Variants in C1QTNF3 observed in about 807,000 individuals in gnomAD.
C1QTNF3 encodes C1q and TNF related 3.
C1QTNF3 carries 26 observed loss-of-function variants against 32.6 expected under a neutral mutation model. The observed-to-expected ratio is 0.80, with a 90% CI of 0.58 to 1.11. The LOEUF (loss-of-function observed/expected upper bound fraction) is 1.11, where lower values mean the gene tolerates loss of function less well. Among genes scored for constraint, C1QTNF3 ranks in the 50% least tolerant of loss-of-function variants. The probability of loss-of-function intolerance (pLI) is 0.00; values close to 1 mark genes in which losing one functional copy is unlikely to be tolerated. For missense variants in C1QTNF3, 362 were observed against 398.2 expected, an observed-to-expected ratio of 0.91 and a Z score of 0.77; for synonymous variants, 155 against 146.0, an observed-to-expected ratio of 1.06 and a Z score of -0.44.
chr5:34,227,773 C>G, the C1QTNF3 span, among the ~76,000 whole-genome samples: 1 of 151,772 alleles, frequency 6.6e-6, no homozygotes, highest in African/African-American at 2.4e-5. Context: ...TAACCAATAG[C>G]TGGGGGAAAA....
chr5:34,076,266 G>T, the C1QTNF3 span, among the ~76,000 whole-genome samples: 2 of 151,460 alleles, frequency 1.3e-5, no homozygotes, highest in African/African-American at 4.9e-5. Flanking sequence ...TGATGAAATG[G>T]TAAGTTTTAT....
the C1QTNF3 span, among the ~76,000 whole-genome samples, chr5:34,213,740 A>AGT: frequency 7.3e-6 from 1 of 136,774 alleles, no homozygotes; most frequent in Admixed American, 7.6e-5. Flanking sequence ...ACGTATATAT[A>AGT]GTGTGTGTAT....
chr5:34,094,606 T>G, the C1QTNF3 span, among the ~76,000 whole-genome samples: 2 of 151,742 alleles, frequency 1.3e-5, no homozygotes, highest in East Asian at 3.9e-4. Context: ...ACAGGCTACA[T>G]AGACCGTGTA....
the C1QTNF3 span, among the ~76,000 whole-genome samples, chr5:34,153,946 T>C: frequency 3.3e-5 from 5 of 151,696 alleles, no homozygotes; most frequent in African/African-American, 1.2e-4. Context: ...GTTGTTATCA[T>C]TTCACATAAT....
chr5:34,055,948 T>C, the C1QTNF3 span, among the ~76,000 whole-genome samples: 1 of 152,222 alleles, frequency 6.6e-6, no homozygotes, highest in African/African-American at 2.4e-5. Context: ...CGTCAAAATC[T>C]GGACCCTCTC....
intron 1 of C1QTNF3, among the ~76,000 whole-genome samples, chr5:34,041,124 T>C (rs969933677): frequency 6.6e-6 from 1 of 152,034 alleles, no homozygotes; most frequent in East Asian, 1.9e-4. Flanking sequence ...AAGAGGAAAA[T>C]TGAATTACGA....
the C1QTNF3 span, among the ~76,000 whole-genome samples, chr5:34,076,642 A>G: frequency 2.0e-5 from 3 of 151,670 alleles, no homozygotes; most frequent in Non-Finnish European, 4.4e-5. Context: ...AAGGACATGT[A>G]TGTTCAGAAA....
Position 34,019,512 on chromosome 5 carries a change from C to T in C1QTNF3, c.*1071G>A, listed in dbSNP as rs1754274652. ...AAACATCAATGTCTTAAAGGGTTGA[C>T]ATTATAACAATGGAATAACTGAAAA... is the stretch of plus-strand genomic sequence containing the variant. On this transcript the variant is annotated 3_prime_UTR_variant, in exon 6 of 6. Transcript: ENST00000382065. 2.0e-5 allele frequency: 3 copies of T among 152,192 alleles called. No homozygotes were observed. Among genetic ancestry groups the T allele is most frequent in the Admixed American group, 2.0e-4 (3 of 15,278 alleles). 9.4% of individuals were successfully genotyped at this position (152,192 alleles called of 1,614,324 possible).
chr5:34,130,150 C>CACAT, the C1QTNF3 span, among the ~76,000 whole-genome samples: 5 of 150,564 alleles, frequency 3.3e-5, no homozygotes, highest in African/African-American at 1.2e-4. Flanking sequence ...CACACACACA[C>CACAT]ATACATACAT....
rs1317505100 is a variant in C1QTNF3 at position 34,035,715 on chromosome 5, C to A, written c.347G>T (p.Cys116Phe). Residue 116 changes from cysteine to phenylalanine, a missense_variant, in exon 2 of 6, where the codon TGT becomes TTT. Coordinates refer to ENST00000382065, the MANE Select transcript of C1QTNF3 (RefSeq NM_181435.6). ...GCCTCGAAAGCTGTAGTCTCCATGACAACACTTACTGCAGTCTGGGGGTAG... is the reference window on the plus strand; with the variant it reads ...GCCTCGAAAGCTGTAGTCTCCATGAAAACACTTACTGCAGTCTGGGGGTAG... ...GGLPPDCSKC[C>F]HGDYSFRGYQ... 1 of 1,612,512 alleles carries A rather than the reference C, an allele frequency of 6.2e-7. No individual in the cohort carries two copies. The highest frequency in any genetic ancestry group is 8.5e-7 in the Non-Finnish European group (1 of 1,179,610).
chr5:34,117,199 C>T, the C1QTNF3 span, among the ~76,000 whole-genome samples: 1 of 152,122 alleles, frequency 6.6e-6, no homozygotes, highest in Admixed American at 6.6e-5. Flanking sequence ...TTCCTTTTAA[C>T]TATTTCATAT....
chr5:34,221,767 G>C, the C1QTNF3 span, among the ~76,000 whole-genome samples: 1 of 152,030 alleles, frequency 6.6e-6, no homozygotes, highest in African/African-American at 2.4e-5. Context: ...CAATGCTTCA[G>C]TTTTGTAGAA....
At chr5:34,069,610 TA>T in the C1QTNF3 span, among the ~76,000 whole-genome samples, 2 of 152,168 alleles carry the variant, frequency 1.3e-5, no homozygotes, top group Non-Finnish European at 2.9e-5. Context: ...CTGAGATTAT[TA>T]AATGAGAAAC....
At chr5:34,078,770 C>A in the C1QTNF3 span, among the ~76,000 whole-genome samples, 2 of 151,586 alleles carry the variant, frequency 1.3e-5, no homozygotes, top group African/African-American at 4.9e-5. The surrounding 1 kb of genome is among the most constrained non-coding windows in gnomAD (Gnocchi z 4.0). Flanking sequence ...TGTGGGCTTG[C>A]CTTCCACCAC....
chr5:34,099,143 G>C, the C1QTNF3 span, among the ~76,000 whole-genome samples: 1 of 151,880 alleles, frequency 6.6e-6, no homozygotes, highest in African/African-American at 2.4e-5. Context: ...ATTAAGATTG[G>C]ATGCATGTGA....
At chr5:34,213,284 A>G in the C1QTNF3 span, among the ~76,000 whole-genome samples, 1 of 152,328 alleles carries the variant, frequency 6.6e-6, no homozygotes, top group Admixed American at 6.5e-5. Context: ...AAGTTTGCAC[A>G]GTAAGATAAA....
At chr5:34,070,644 G>C in the C1QTNF3 span, among the ~76,000 whole-genome samples, 3 of 151,546 alleles carry the variant, frequency 2.0e-5, no homozygotes, top group Non-Finnish European at 2.9e-5. Context: ...TATATTGAAA[G>C]TGAAAACTCA....
Position 34,019,227 on chromosome 5 carries a change from T to G in C1QTNF3, c.*1356A>C, listed in dbSNP as rs1395886414. On this transcript the variant is annotated 3_prime_UTR_variant, in exon 6 of 6. Transcript: ENST00000382065. ...TGTTTCCTTTTTAGCATCTCAGTTT[T>G]GGGACACTTGTGAAATCAGTCTTCC... 1.3e-5 allele frequency among the ~76,000 whole-genome samples: 2 copies of G among 152,206 alleles called. No homozygotes were observed. The highest frequency in any genetic ancestry group is 2.1e-4 in the South Asian group (1 of 4,834).
At chr5:34,178,069 C>A in the C1QTNF3 span, among the ~76,000 whole-genome samples, 2 of 140,566 alleles carry the variant, frequency 1.4e-5, no homozygotes, top group Non-Finnish European at 3.0e-5. Flanking sequence ...AAGTTCAAGA[C>A]CAGCCTGACC....
Sources: gnomAD v4.1 joint callset for allele counts (sites outside exome capture counted in the v4.1 genomes callset) on GRCh38, gnomAD v4.1.1 for gene constraint, Gnocchi (gnomAD v3.1) non-coding constraint, MANE v1.5 for transcripts, NCBI Gene and HGNC (gene_info 2026-07-23, HGNC 2026-07-21) for gene names.